The following GPR19 variants were observed in gnomAD, a reference collection of about 807,000 sequenced individuals.
GPR19 encodes probable G protein-coupled receptor 19.
A neutral mutation model predicts 28.5 loss-of-function variants in GPR19; 14 were observed. The observed-to-expected ratio is 0.49, with a 90% confidence interval of 0.32 to 0.77. The LOEUF (loss-of-function observed/expected upper bound fraction) is 0.77. Among genes scored for constraint, GPR19 ranks in the 30% least tolerant of loss-of-function variants. The probability of loss-of-function intolerance (pLI) is 0.03; values close to 1 mark genes in which losing one functional copy is unlikely to be tolerated. For missense variants in GPR19, 409 were observed against 504.1 expected (o/e 0.81, Z 1.81); for synonymous variants, 173 against 184.1 (o/e 0.94, Z 0.49).
intron 3 of GPR19, among the ~76,000 whole-genome samples, chr12:12,669,672 A>G (rs1212976211): frequency 6.6e-6 from 1 of 152,156 alleles, no homozygotes; most frequent in African/African-American, 2.4e-5. Flanking sequence ...AACACCAAAA[A>G]TTGAAGTTTT....
chr12:12,664,960 A>G (rs1356661298), intron 3 of GPR19, among the ~76,000 whole-genome samples: 1 of 149,854 alleles, frequency 6.7e-6, no homozygotes, highest in Non-Finnish European at 1.5e-5. Context: ...ATCAGGACAT[A>G]AGATCTAAAA....
chr12:12,694,607 T>C (rs1044035256), intron 2 of GPR19, among the ~76,000 whole-genome samples: 1 of 152,158 alleles, frequency 6.6e-6, no homozygotes, highest in African/African-American at 2.4e-5. Context: ...TACACTAAGT[T>C]CTATGCTACC....
the GPR19 span, among the ~76,000 whole-genome samples, chr12:12,708,250 C>T: frequency 0.12 from 17,667 of 151,906 alleles, 1,346 homozygotes; most frequent in Admixed American, 0.24. Flanking sequence ...CCTCCCACCT[C>T]GGCCTATTTC....
chr12:12,689,145 T>G (rs556202797), intron 2 of GPR19, among the ~76,000 whole-genome samples: 1 of 152,096 alleles, frequency 6.6e-6, no homozygotes, highest in African/African-American at 2.4e-5. Flanking sequence ...TTGGGGGTGG[T>G]GCCACACACT....
intron 2 of GPR19, among the ~76,000 whole-genome samples, chr12:12,691,530 A>C (rs1480269315): frequency 4.0e-5 from 6 of 151,634 alleles, no homozygotes; most frequent in Non-Finnish European, 5.9e-5. Context: ...TTTCTCTCCC[A>C]CTCTGTATCC....
At chr12:12,664,391 GCTCAAGGCAATATA>G (rs1757475558) in intron 3 of GPR19, among the ~76,000 whole-genome samples, 2 of 151,994 alleles carry the variant, frequency 1.3e-5, no homozygotes, top group African/African-American at 4.8e-5. Context: ...CAAGTCTAGT[GCTCAAGGCAATATA>G]CTCAATGCCT....
chr12:12,697,552 A>G (rs977930684), upstream of GPR19, among the ~76,000 whole-genome samples: 8 of 152,198 alleles, frequency 5.3e-5, no homozygotes, highest in Non-Finnish European at 8.8e-5. Context: ...TGGCAATTTT[A>G]TTGGACTCTG....
the GPR19 span, among the ~76,000 whole-genome samples, chr12:12,707,103 C>T: frequency 6.6e-6 from 1 of 152,178 alleles, no homozygotes; most frequent in Non-Finnish European, 1.5e-5. Flanking sequence ...TTCCAGCTTA[C>T]TAGTTCCCTT....
At chr12:12,693,524 G>A (rs189861255) in intron 2 of GPR19, among the ~76,000 whole-genome samples, 8 of 152,326 alleles carry the variant, frequency 5.3e-5, no homozygotes, top group Admixed American at 2.0e-4. Context: ...CAGCTTGGGA[G>A]ACTGACACTC....
At chr12:12,677,197 G>A (rs953314138) in intron 3 of GPR19, among the ~76,000 whole-genome samples, 2 of 150,132 alleles carry the variant, frequency 1.3e-5, no homozygotes, top group Admixed American at 1.3e-4. Flanking sequence ...TTATGAAGCA[G>A]ATGTTAATTT....
the GPR19 span, among the ~76,000 whole-genome samples, chr12:12,710,054 T>G: frequency 6.6e-6 from 1 of 152,026 alleles, no homozygotes; most frequent in Non-Finnish European, 1.5e-5. Flanking sequence ...GTGAAAGAAT[T>G]AAGAATACCA....
chr12:12,685,478 A>G (rs868607904), intron 2 of GPR19, among the ~76,000 whole-genome samples: 20 of 152,128 alleles, frequency 1.3e-4, no homozygotes, highest in Non-Finnish European at 2.8e-4. Context: ...TGCAGGGTCT[A>G]TCCTGCTTTG....
chr12:12,668,322 T>G (rs1945810445), intron 3 of GPR19, among the ~76,000 whole-genome samples: 1 of 152,186 alleles, frequency 6.6e-6, no homozygotes, highest in South Asian at 2.1e-4. Context: ...CATATGTTCA[T>G]TCAATATTTG....
rs147543699 is a variant in GPR19, at chr12:12,694,188, C to CTTTTTTT, written c.-180+1264_-180+1270dup. Among the ~76,000 whole-genome samples the CTTTTTTT allele has an allele frequency of 5.5e-3, 240 of 43,850 alleles. 52 individuals are homozygous for CTTTTTTT. Among genetic ancestry groups the CTTTTTTT allele is most frequent in the African/African-American group, 0.021 (230 of 10,988 alleles). 28.8% of individuals were successfully genotyped at this position (43,850 alleles called of 152,430 possible). ...TGTGTGGGCATGGTAGAGTACCTGT[C>CTTTTTTT]TTTTTTTTTTTTTTTTTTTTTTTTT... On this transcript the variant is annotated intron_variant, in intron 2 of 3. Coordinates refer to ENST00000651487, the MANE Select transcript of GPR19 (RefSeq NM_006143.3).
At chr12:12,666,133 T>C (rs936197039) in intron 3 of GPR19, among the ~76,000 whole-genome samples, 1 of 152,134 alleles carries the variant, frequency 6.6e-6, no homozygotes. Context: ...TTTTCTGGGT[T>C]GATCTTTTTT....
intron 3 of GPR19, among the ~76,000 whole-genome samples, chr12:12,670,244 C>G (rs953525610): frequency 2.0e-5 from 3 of 152,040 alleles, no homozygotes; most frequent in Non-Finnish European, 2.9e-5. Context: ...AAAGTATGTC[C>G]CATGCAATAT....
intron 3 of GPR19, among the ~76,000 whole-genome samples, chr12:12,668,162 C>T (rs886585436): frequency 6.6e-6 from 1 of 152,282 alleles, no homozygotes; most frequent in South Asian, 2.1e-4. Flanking sequence ...TTACTGCCCT[C>T]TAGGACATTA....
chr12:12,678,960 C>A (rs765428185), intron 3 of GPR19, among the ~76,000 whole-genome samples: 1 of 152,236 alleles, frequency 6.6e-6, no homozygotes, highest in African/African-American at 2.4e-5. Context: ...CCACGCCCAG[C>A]TAATTTTTGT....
chr12:12,708,206 C>T, the GPR19 span, among the ~76,000 whole-genome samples: 1 of 151,742 alleles, frequency 6.6e-6, no homozygotes, highest in Non-Finnish European at 1.5e-5. Flanking sequence ...CGCTATTTGC[C>T]CAGGCTGGTC....
Sources: gnomAD v4.1 joint callset for allele counts (sites outside exome capture counted in the v4.1 genomes callset) on GRCh38, gnomAD v4.1.1 for gene constraint, MANE v1.5 for transcripts, NCBI Gene and HGNC (gene_info 2026-07-23, HGNC 2026-07-21) for gene names.